SNTG1: variants seen among roughly 807,000 people sequenced by gnomAD.
SNTG1 encodes the protein gamma-1-syntrophin.
A neutral mutation model predicts 74.7 loss-of-function variants in SNTG1; 39 were observed. That is an observed-to-expected ratio of 0.52 (90% CI 0.40 to 0.68). SNTG1 has a LOEUF of 0.68. Ranked by LOEUF, SNTG1 falls within the 30% of genes least tolerant of loss-of-function variation. The pLI is 0.00. For synonymous variants in SNTG1, 254 were observed against 217.1 expected (o/e 1.17, Z -1.49); for missense variants, 685 against 609.5 (o/e 1.12, Z -1.30).
At chr8:50,395,483 T>G (rs573965848) in intron 3 of SNTG1, among the ~76,000 whole-genome samples, 1 of 150,456 alleles carries the variant, frequency 6.6e-6, no homozygotes, top group African/African-American at 2.4e-5. Flanking sequence ...CTTTGTATTT[T>G]AAATTTTAAT....
intron 1 of SNTG1, among the ~76,000 whole-genome samples, chr8:50,008,494 T>C (rs1815464203): frequency 6.6e-6 from 1 of 152,160 alleles, no homozygotes; most frequent in South Asian, 2.1e-4. Context: ...ACGGAGATTT[T>C]TTTAATCATT....
intron 9 of SNTG1, among the ~76,000 whole-genome samples, chr8:50,505,910 C>T (rs1355931398): frequency 6.6e-6 from 1 of 151,954 alleles, no homozygotes; most frequent in Non-Finnish European, 1.5e-5. Context: ...GTGTCATATT[C>T]AGAAAATAAT....
intron 16 of SNTG1, chr8:50,707,840 A>G (rs1175551475): frequency 5.3e-6 from 2 of 379,934 alleles, no homozygotes; most frequent in African/African-American, 4.2e-5. Flanking sequence ...TGTCGTATAT[A>G]AACCTTAAGT....
At chr8:50,522,219 T>G (rs1349163169) in intron 9 of SNTG1, among the ~76,000 whole-genome samples, 1 of 152,170 alleles carries the variant, frequency 6.6e-6, no homozygotes, top group African/African-American at 2.4e-5. Flanking sequence ...ACATTAATCT[T>G]TTTCATCTTC....
chr8:50,611,339 G>C (rs547312211), intron 13 of SNTG1, among the ~76,000 whole-genome samples: 1 of 152,090 alleles, frequency 6.6e-6, no homozygotes, highest in East Asian at 1.9e-4. Flanking sequence ...ACATTTCTTC[G>C]TGAGCTGCAT....
chr8:50,049,482 T>C (rs1702288928), intron 1 of SNTG1, among the ~76,000 whole-genome samples: 1 of 152,126 alleles, frequency 6.6e-6, no homozygotes, highest in Non-Finnish European at 1.5e-5. Context: ...AAACAGACGA[T>C]CTTTATTTGT....
intron 13 of SNTG1, among the ~76,000 whole-genome samples, chr8:50,621,962 A>G (rs768913017): frequency 6.6e-6 from 1 of 152,170 alleles, no homozygotes; most frequent in Non-Finnish European, 1.5e-5. Context: ...CCTTGCTCCT[A>G]TATGGGCTAG....
intron 4 of SNTG1, among the ~76,000 whole-genome samples, chr8:50,406,808 C>A (rs549379393): frequency 1.3e-5 from 2 of 152,122 alleles, no homozygotes; most frequent in South Asian, 4.1e-4. Flanking sequence ...ATCATGTGTG[C>A]TTTTTAATTT....
chr8:50,245,152 C>T (rs1462674895), intron 2 of SNTG1, among the ~76,000 whole-genome samples: 2 of 152,118 alleles, frequency 1.3e-5, no homozygotes. Context: ...AGATTGTTCT[C>T]TCTCTTCCAA....
At chr8:50,731,377 T>C (rs1014112025) in intron 17 of SNTG1, among the ~76,000 whole-genome samples, 10 of 152,114 alleles carry the variant, frequency 6.6e-5, no homozygotes, top group Admixed American at 2.0e-4. Flanking sequence ...GGAGACAAAT[T>C]GGCATATTTT....
At chr8:50,268,291 A>C (rs752290766) in intron 2 of SNTG1, among the ~76,000 whole-genome samples, 1 of 152,200 alleles carries the variant, frequency 6.6e-6, no homozygotes, top group Non-Finnish European at 1.5e-5. Context: ...TATTATGTTC[A>C]TGGATCCAGA....
At position 50,136,700 on chromosome 8, in the gene SNTG1, GT is replaced by G. The variant is rs1436605114; in HGVS notation, c.-102-35859del. On this transcript the variant is annotated intron_variant, in intron 1 of 18. Coordinates refer to ENST00000642720, the MANE Select transcript of SNTG1 (RefSeq NM_018967.5). ...AGCATCAATTTAATACCTGGTGAATGTTATTTTATGCCTGAGCTGCAGGGGG... is the reference window on the plus strand; with the variant it reads ...AGCATCAATTTAATACCTGGTGAATGTATTTTATGCCTGAGCTGCAGGGGG... Among the ~76,000 whole-genome samples the G allele has an allele frequency of 5.9e-5, 9 of 152,212 alleles. No homozygotes were observed. In the East Asian group the frequency reaches 9.7e-4, roughly 16 times the overall value.
rs1038130576 is a variant in SNTG1 at position 50,795,846 on chromosome 8, T to G, written c.*3017T>G. 19 of 152,102 alleles carry G rather than the reference T, an allele frequency of 1.2e-4. No individual in the cohort carries two copies. Among genetic ancestry groups the G allele is most frequent in the African/African-American group, 4.3e-4 (18 of 41,452 alleles). The allele number at this position is 152,102 out of a possible 1,614,324, so 9.4% of individuals were successfully genotyped here. ...AGTTTAATAGATAGTGTAAGTGTAA[T>G]GTATATCTGAACACTTATCCAGCTT... On this transcript the variant is annotated 3_prime_UTR_variant, in exon 19 of 19. Transcript: ENST00000642720.
intron 1 of SNTG1, among the ~76,000 whole-genome samples, chr8:49,925,955 G>C (rs1806984677): frequency 6.6e-6 from 1 of 152,156 alleles, no homozygotes. Context: ...GAGCACACTT[G>C]ATCACTTAAT....
chr8:50,208,605 T>A (rs2084359672), intron 2 of SNTG1, among the ~76,000 whole-genome samples: 1 of 152,236 alleles, frequency 6.6e-6, no homozygotes, highest in African/African-American at 2.4e-5. Context: ...CCTGTCATTA[T>A]GATGTTAGCT....
chr8:50,323,662 T>A (rs189452700), intron 2 of SNTG1, among the ~76,000 whole-genome samples: 13 of 152,274 alleles, frequency 8.5e-5, no homozygotes, highest in Admixed American at 2.0e-4. Flanking sequence ...CTCCCTGTGT[T>A]GAGCCACCAG....
At chr8:50,210,410 C>T (rs992427670) in intron 2 of SNTG1, among the ~76,000 whole-genome samples, 15 of 152,054 alleles carry the variant, frequency 9.9e-5, no homozygotes, top group Admixed American at 2.0e-4. Flanking sequence ...AAGAGCAACT[C>T]CAAGACACAT....
Position 50,536,666 on chromosome 8 carries a change from T to A in SNTG1, c.550-12T>A, listed in dbSNP as rs756612715. ...AGAAAAAAATTACGTTGAATATTTA[T>A]CTTCCTTTCAGGACACATTATCATG... is the stretch of plus-strand genomic sequence containing the variant. On this transcript the variant is annotated splice_polypyrimidine_tract_variant and intron_variant, in intron 10 of 18. Transcript: ENST00000642720. 2 of 1,610,522 alleles carry A rather than the reference T, an allele frequency of 1.2e-6. No individual in the cohort carries two copies. Among genetic ancestry groups the A allele is most frequent in the Non-Finnish European group, 1.7e-6 (2 of 1,178,698 alleles).
chr8:50,386,780 G>T (rs1255687833), intron 2 of SNTG1, among the ~76,000 whole-genome samples: 1 of 152,106 alleles, frequency 6.6e-6, no homozygotes, highest in Non-Finnish European at 1.5e-5. Context: ...TATTACTACA[G>T]GGAGGACACC....
Sources: gnomAD v4.1 joint callset for allele counts (sites outside exome capture counted in the v4.1 genomes callset) on GRCh38, gnomAD v4.1.1 for gene constraint, MANE v1.5 for transcripts, NCBI Gene and HGNC (gene_info 2026-07-23, HGNC 2026-07-21) for gene names.